TTI1: variants seen among roughly 807,000 people sequenced by gnomAD.
TTI1 encodes the protein TELO2 interacting protein 1.
In TTI1, 52 loss-of-function variants were observed where a neutral mutation model predicts 85.4. The ratio of observed to expected loss-of-function variants is 0.61; its 90% CI spans 0.49 to 0.77. The LOEUF (loss-of-function observed/expected upper bound fraction) is 0.77. TTI1 is among the 30% of genes least tolerant of loss of function. The pLI, the probability that TTI1 is intolerant of heterozygous loss-of-function variation, is 0.00. For synonymous variants in TTI1, 512 were observed against 503.9 expected (o/e 1.02, Z -0.22); for missense variants, 1,173 against 1,296.0 (o/e 0.91, Z 1.46).
At chr20:37,995,549 G>A (rs1392344165) in intron 7 of TTI1, among the ~76,000 whole-genome samples, 1 of 152,248 alleles carries the variant, frequency 6.6e-6, no homozygotes, top group Non-Finnish European at 1.5e-5. Context: ...GCCAGGCCCA[G>A]CTTTCGCCCC....
chr20:38,015,639 T>C (rs1271220824), intron 1 of TTI1, among the ~76,000 whole-genome samples: 1 of 151,906 alleles, frequency 6.6e-6, no homozygotes. Context: ...GATAAGAATT[T>C]TAATAATAAT....
chr20:38,029,717 TC>T (rs1308958439), intron 1 of TTI1, among the ~76,000 whole-genome samples: 1 of 152,172 alleles, frequency 6.6e-6, no homozygotes, highest in African/African-American at 2.4e-5. Flanking sequence ...ATCCGTCCCT[TC>T]CAAAACTCAT....
chr20:37,995,721 TC>T (rs2073328804), intron 7 of TTI1, among the ~76,000 whole-genome samples: 1 of 152,260 alleles, frequency 6.6e-6, no homozygotes, highest in Non-Finnish European at 1.5e-5. Flanking sequence ...AGCAACAGCT[TC>T]TTCTCCTAGA....
At chr20:38,009,476 T>A (rs927508777) in intron 2 of TTI1, among the ~76,000 whole-genome samples, 11 of 152,134 alleles carry the variant, frequency 7.2e-5, no homozygotes, top group Non-Finnish European at 1.3e-4. Flanking sequence ...ATGCCCCTTC[T>A]TCCTTCTGGG....
chr20:37,996,682 G>A (rs1229581250), intron 6 of TTI1, 67 bp downstream of exon 6: 3 of 1,539,338 alleles, frequency 1.9e-6, no homozygotes, highest in African/African-American at 1.4e-5. Context: ...ACTGAGCAGA[G>A]GGCATGATGG....
In TTI1 at chr20:37,999,280, T is replaced by A. The variant is rs769302801; in HGVS notation, c.2701A>T (p.Asn901Tyr). Residue 901 changes from asparagine to tyrosine, a missense_variant, in exon 5 of 8, where the codon AAC becomes TAC. By Grantham distance (143) the Asn-to-Tyr change is moderately radical. Coordinates refer to ENST00000373447, the MANE Select transcript of TTI1 (RefSeq NM_001303457.2). ...LCVVVLQSHK[N>Y]QLLPLAHQAW... ...TGATGAGCCAAGGGAAGCAGCTGGTTTTTGTGGGACTGAAGAACAACCACA... is the reference window on the plus strand; with the variant it reads ...TGATGAGCCAAGGGAAGCAGCTGGTATTTGTGGGACTGAAGAACAACCACA... 3.6e-5 allele frequency: 55 copies of A among 1,521,988 alleles called. No individual in the cohort carries two copies. Among genetic ancestry groups the A allele is most frequent in the Non-Finnish European group, 4.9e-5 (55 of 1,132,340 alleles). 94.3% of individuals were successfully genotyped at this position (1,521,988 alleles called of 1,614,324 possible). A position where few individuals can be genotyped will look rare whatever the true frequency, so the allele number is the denominator to read the frequency against.
At chr20:38,026,085 A>G (rs778756108) in intron 1 of TTI1, among the ~76,000 whole-genome samples, 4 of 152,244 alleles carry the variant, frequency 2.6e-5, no homozygotes, top group Non-Finnish European at 4.4e-5. Flanking sequence ...GACTCTTCAT[A>G]ATTTAATTTC....
intron 7 of TTI1, among the ~76,000 whole-genome samples, chr20:37,986,434 A>G (rs1205673295): frequency 6.6e-6 from 1 of 152,248 alleles, no homozygotes; most frequent in African/African-American, 2.4e-5. Flanking sequence ...TATTAACAGA[A>G]AAGCAAAGGA....
rs572537626 is a variant in TTI1 at position 37,996,379 on chromosome 20, T to G, written c.3082A>C (p.Arg1028=). The change falls in exon 7 of 8, where the codon AGG becomes CGG. Residue 1028 remains arginine (R), a synonymous_variant. Coordinates refer to ENST00000373447, the MANE Select transcript of TTI1 (RefSeq NM_001303457.2). ...CGGGTGATCAGGCAGACGTACCTCCTGGCAGCCTCTTGTAATTTCACGGGC... is the reference window on the plus strand; with the variant it reads ...CGGGTGATCAGGCAGACGTACCTCCGGGCAGCCTCTTGTAATTTCACGGGC... The part of the protein sequence containing the change: ...KQPVKLQEAA[R]SVFLHLMKVD... 2 of 1,614,140 alleles carry G rather than the reference T, an allele frequency of 1.2e-6. No individual in the cohort carries two copies. The highest frequency in any genetic ancestry group is 4.5e-5 in the East Asian group (2 of 44,874).
At chr20:38,029,714 C>T (rs2073881869) in intron 1 of TTI1, among the ~76,000 whole-genome samples, 1 of 152,136 alleles carries the variant, frequency 6.6e-6, no homozygotes, top group African/African-American at 2.4e-5. Flanking sequence ...AATATCCGTC[C>T]CTTCCAAAAC....
Position 38,016,490 on chromosome 20 carries a change from A to C in TTI1, c.-41-2633T>G, listed in dbSNP as rs577409494. ...CAGATTATATAACAAAAACCGTAATAGAGCTAATGAAATGGGAATACACAG... is the reference window on the plus strand; with the variant it reads ...CAGATTATATAACAAAAACCGTAATCGAGCTAATGAAATGGGAATACACAG... On this transcript the variant is annotated intron_variant, in intron 1 of 7. Transcript: ENST00000373447. Among the ~76,000 whole-genome samples, 7 of 152,356 alleles carry C rather than the reference A, an allele frequency of 4.6e-5. No individual in the cohort carries two copies. The East Asian group carries it at 7.7e-4, about 17-fold the overall frequency.
chr20:38,028,200 A>C (rs1427386533), intron 1 of TTI1, among the ~76,000 whole-genome samples: 1 of 152,238 alleles, frequency 6.6e-6, no homozygotes, highest in Non-Finnish European at 1.5e-5. Flanking sequence ...TTAAGCATAA[A>C]AGGTCTAAAT....
chr20:38,013,625 A>T lies in TTI1; in HGVS notation c.192T>A (p.Gly64=). ...FPLRFTLKTP[G]PKRERLIQSV... ...TTTGGATCAAACGCTCTCTTTTGGG[A>T]CCTGGGGTCTTCAGGGTAAATCGCA... Residue 64 remains glycine (G), a synonymous_variant, in exon 2 of 8, where the codon GGT becomes GGA. Transcript: ENST00000373447. 1 of 1,614,194 alleles carries T rather than the reference A, an allele frequency of 6.2e-7. No individual in the cohort carries two copies. The highest frequency in any genetic ancestry group is 8.5e-7 in the Non-Finnish European group (1 of 1,180,032).
At chr20:37,997,859 A>C (rs540559425) in intron 5 of TTI1, among the ~76,000 whole-genome samples, 35 of 151,836 alleles carry the variant, frequency 2.3e-4, no homozygotes, top group Non-Finnish European at 4.7e-4. Context: ...ACAACCTATT[A>C]ATTCTCACCA....
chr20:38,033,223 G>C (rs754610820), intron 1 of TTI1, among the ~76,000 whole-genome samples, 181 bp downstream of exon 1: 35 of 152,154 alleles, frequency 2.3e-4, no homozygotes, highest in Non-Finnish European at 1.5e-4. Flanking sequence ...GTGTTTTGGG[G>C]GACAGCCAGA....
intron 1 of TTI1, among the ~76,000 whole-genome samples, chr20:38,025,201 A>G (rs1568631887): frequency 6.6e-6 from 1 of 152,222 alleles, no homozygotes; most frequent in African/African-American, 2.4e-5. Flanking sequence ...GTCTCAGAAC[A>G]TTATACAGAA....
intron 2 of TTI1, among the ~76,000 whole-genome samples, chr20:38,008,728 A>C (rs1313401669): frequency 6.6e-6 from 1 of 152,216 alleles, no homozygotes; most frequent in Admixed American, 6.5e-5. Context: ...CCATCTTAAA[A>C]GAGTGGACGT....
At chr20:38,018,574 G>A (rs890719348) in intron 1 of TTI1, among the ~76,000 whole-genome samples, 3 of 152,106 alleles carry the variant, frequency 2.0e-5, no homozygotes, top group Non-Finnish European at 2.9e-5. Flanking sequence ...TCAACCCACA[G>A]ATTTAAGAAA....
intron 5 of TTI1, 71 bp from the exon 6 acceptor site, chr20:37,997,024 A>T: frequency 1.3e-6 from 2 of 1,523,714 alleles, no homozygotes; most frequent in East Asian, 4.6e-5. Flanking sequence ...AATGCTTGGT[A>T]ATTCGATTTC....
Sources: gnomAD v4.1 joint callset for allele counts (sites outside exome capture counted in the v4.1 genomes callset) on GRCh38, gnomAD v4.1.1 for gene constraint, MANE v1.5 for transcripts, NCBI Gene and HGNC (gene_info 2026-07-23, HGNC 2026-07-21) for gene names.